The following ADAMTS2 variants were observed in gnomAD, a reference collection of about 807,000 sequenced individuals.
The protein encoded by ADAMTS2 is A disintegrin and metalloproteinase with thrombospondin motifs 2.
A neutral mutation model predicts 123.0 loss-of-function variants in ADAMTS2; 50 were observed. The ratio of observed to expected loss-of-function variants is 0.41; its 90% CI spans 0.32 to 0.51. ADAMTS2 has a LOEUF of 0.51. Ranked by LOEUF, ADAMTS2 falls within the 20% of genes least tolerant of loss-of-function variation. ADAMTS2 has a pLI of 0.35. For synonymous variants in ADAMTS2, 678 were observed against 695.4 expected (o/e 0.98, Z 0.39); for missense variants, 1,494 against 1,705.2 (o/e 0.88, Z 2.18).
intron 15 of ADAMTS2, among the ~76,000 whole-genome samples, chr5:179,131,431 T>C (rs1486810780): frequency 1.3e-5 from 2 of 151,354 alleles, no homozygotes; most frequent in Non-Finnish European, 2.9e-5. Flanking sequence ...GGGCATGGTA[T>C]GTTTGTCAGG....
intron 2 of ADAMTS2, among the ~76,000 whole-genome samples, chr5:179,320,256 C>A (rs1757123648): frequency 6.6e-6 from 1 of 152,246 alleles, no homozygotes; most frequent in Non-Finnish European, 1.5e-5. Context: ...CAATCCTGGC[C>A]CCAGCCACTT....
intron 10 of ADAMTS2, among the ~76,000 whole-genome samples, chr5:179,151,736 C>A (rs1763359906): frequency 6.6e-6 from 1 of 152,218 alleles, no homozygotes; most frequent in Non-Finnish European, 1.5e-5. Context: ...GTGTGCCCAA[C>A]AAGGGACAAA....
chr5:179,130,434 G>A lies in ADAMTS2; in HGVS notation c.2291-336C>T, dbSNP rs1479727462. Among the ~76,000 whole-genome samples, 1 of 152,202 alleles carries A rather than the reference G, an allele frequency of 6.6e-6. No individual in the cohort carries two copies. The highest frequency in any genetic ancestry group is 2.4e-5 in the African/African-American group (1 of 41,454). ...CTCAGTGGGCGCTTAGAGGCCACCC[G>A]GGGCAGGATGGCTGGGAGGGGTCTG... On this transcript the variant is annotated intron_variant, in intron 15 of 21. Transcript: ENST00000251582. The surrounding 1 kb of genome is among the most constrained non-coding windows in gnomAD (Gnocchi z 4.3).
chr5:179,208,129 G>A (rs1158936002), intron 3 of ADAMTS2, among the ~76,000 whole-genome samples: 1 of 125,290 alleles, frequency 8.0e-6, no homozygotes, highest in Non-Finnish European at 1.9e-5. Flanking sequence ...CCTGACGCTG[G>A]AGTGGGCAGA....
At chr5:179,282,216 T>A (rs1420951530) in intron 2 of ADAMTS2, among the ~76,000 whole-genome samples, 1 of 152,218 alleles carries the variant, frequency 6.6e-6, no homozygotes, top group Non-Finnish European at 1.5e-5. Flanking sequence ...CTTTGCCTAA[T>A]CCAAAGTAAC....
At position 179,262,845 on chromosome 5, in the gene ADAMTS2, A is replaced by G. The variant is rs1766269277; in HGVS notation, c.688+10066T>C. 6.6e-6 allele frequency among the ~76,000 whole-genome samples: 1 copy of G among 152,268 alleles called. No homozygotes were observed. The highest frequency in any genetic ancestry group is 2.1e-4 in the South Asian group (1 of 4,836). ...CGGGTTCCTCCGCTGCTACAGCCCC[A>G]GCACCCAGTCCTGTCAGACACATGG... On this transcript the variant is annotated intron_variant, in intron 3 of 21. Coordinates refer to ENST00000251582, the MANE Select transcript of ADAMTS2 (RefSeq NM_014244.5). The surrounding 1 kb of genome is among the most constrained non-coding windows in gnomAD (Gnocchi z 5.9).
intron 4 of ADAMTS2, among the ~76,000 whole-genome samples, chr5:179,186,226 G>A (rs1357841087): frequency 3.3e-5 from 5 of 152,170 alleles, no homozygotes; most frequent in African/African-American, 9.7e-5. Flanking sequence ...CAGCAGTCAG[G>A]AACCCCATGG....
At chr5:179,214,059 A>T (rs1486143040) in intron 3 of ADAMTS2, among the ~76,000 whole-genome samples, 1 of 152,222 alleles carries the variant, frequency 6.6e-6, no homozygotes, top group Non-Finnish European at 1.5e-5. Flanking sequence ...ACATTAGGAC[A>T]CAACTCAAAA....
At chr5:179,174,940 T>C (rs1283508973) in intron 5 of ADAMTS2, among the ~76,000 whole-genome samples, 2 of 150,038 alleles carry the variant, frequency 1.3e-5, no homozygotes, top group Non-Finnish European at 3.0e-5. Flanking sequence ...GGAGGAAGTC[T>C]CTTCCTTGCT....
chr5:179,190,345 T>C (rs551079658), intron 4 of ADAMTS2, among the ~76,000 whole-genome samples: 1 of 152,186 alleles, frequency 6.6e-6, no homozygotes, highest in Admixed American at 6.5e-5. Context: ...TAACAGGTGA[T>C]ATTATGGGGT....
intron 2 of ADAMTS2, among the ~76,000 whole-genome samples, chr5:179,289,826 A>T (rs1756135125): frequency 6.6e-6 from 1 of 152,230 alleles, no homozygotes; most frequent in East Asian, 1.9e-4. Flanking sequence ...CCTGCCAGAA[A>T]CACGTAAGCT....
At position 179,117,816 on chromosome 5, in the gene ADAMTS2, G is replaced by A. The variant is rs184164842; in HGVS notation, c.3179-3492C>T. 2.0e-5 allele frequency among the ~76,000 whole-genome samples: 3 copies of A among 152,248 alleles called. No individual in the cohort carries two copies. Among genetic ancestry groups the A allele is most frequent in the Admixed American group, 6.5e-5 (1 of 15,294 alleles). On this transcript the variant is annotated intron_variant, in intron 21 of 21. Coordinates refer to ENST00000251582, the MANE Select transcript of ADAMTS2 (RefSeq NM_014244.5). The surrounding 1 kb of genome is among the most constrained non-coding windows in gnomAD (Gnocchi z 4.2). ...CTCCCAAAGTGCTGGGATTACAGGT[G>A]TAAGCCACTGTGCCCGGCCCATGCA...
At chr5:179,280,664 T>C (rs1766872498) in intron 2 of ADAMTS2, among the ~76,000 whole-genome samples, 1 of 152,118 alleles carries the variant, frequency 6.6e-6, no homozygotes, top group Admixed American at 6.5e-5. Flanking sequence ...ACCCCCAGTG[T>C]CTTCCTCTCT....
Position 179,181,134 on chromosome 5 carries a change from C to T in ADAMTS2, c.913G>A (p.Glu305Lys). ...MNIVNEIYHD[E>K]SLGAHINVVL... is the part of the protein sequence containing the mutation. ...ACGTTGATGTGGGCACCCAAGGACT[C>T]GTCATGGTAGATTTCATTGACCTGA... Residue 305 changes from glutamate to lysine, a missense_variant, in exon 5 of 22, where the codon GAG (glutamate) becomes AAG (lysine). Around this residue, in one of 6 missense-constraint regions of ADAMTS2, gnomAD observed 70 missense variants for 85.3 expected, o/e 0.82. Transcript: ENST00000251582. This position sits in a 1 kb window ranked among gnomAD's most constrained non-coding sequence, Gnocchi z 4.1. 2 of 1,613,880 alleles carry T rather than the reference C, an allele frequency of 1.2e-6. No homozygotes were observed. Among genetic ancestry groups the T allele is most frequent in the Non-Finnish European group, 1.7e-6 (2 of 1,179,878 alleles).
chr5:179,254,471 A>G (rs1419580217), intron 3 of ADAMTS2, among the ~76,000 whole-genome samples: 1 of 152,226 alleles, frequency 6.6e-6, no homozygotes, highest in Non-Finnish European at 1.5e-5. Context: ...TGATGGCTGC[A>G]CAACACTGCC....
In ADAMTS2 at chr5:179,197,242, G is replaced by C. The variant is rs1764449587; in HGVS notation, c.891+10271C>G. ...GTCTACAAGGAGTGCGGTGGGACCAGGGGCTCACAAAGACAGTTCAAGGTC... is the reference window on the plus strand; with the variant it reads ...GTCTACAAGGAGTGCGGTGGGACCACGGGCTCACAAAGACAGTTCAAGGTC... On this transcript the variant is annotated intron_variant, in intron 4 of 21. Transcript: ENST00000251582. The surrounding 1 kb of genome is among the most constrained non-coding windows in gnomAD (Gnocchi z 4.2). Among the ~76,000 whole-genome samples, 1 of 152,162 alleles carries C rather than the reference G, an allele frequency of 6.6e-6. No individual in the cohort carries two copies. The highest frequency in any genetic ancestry group is 1.5e-5 in the Non-Finnish European group (1 of 68,028).
At chr5:179,182,801 G>A (rs752859929) in intron 4 of ADAMTS2, among the ~76,000 whole-genome samples, 4 of 152,234 alleles carry the variant, frequency 2.6e-5, no homozygotes, top group East Asian at 1.9e-4. Flanking sequence ...CCGTGGCTCC[G>A]GGCTGTAGGC....
At chr5:179,173,248 A>ATAATAATAAT (rs1763862875) in intron 5 of ADAMTS2, among the ~76,000 whole-genome samples, 4 of 150,708 alleles carry the variant, frequency 2.7e-5, no homozygotes, top group South Asian at 2.1e-4. Context: ...AATAATAATA[A>ATAATAATAAT]AAACCATGCT....
intron 2 of ADAMTS2, among the ~76,000 whole-genome samples, chr5:179,289,235 C>T (rs1157106458): frequency 2.6e-5 from 4 of 152,144 alleles, no homozygotes; most frequent in Admixed American, 6.5e-5. Context: ...AAGGTGCTTT[C>T]GGTGGTCAAA....
Sources: gnomAD v4.1 joint callset for allele counts (sites outside exome capture counted in the v4.1 genomes callset) on GRCh38, gnomAD v4.1.1 for gene constraint, gnomAD v4.1.1 regional missense constraint, Gnocchi (gnomAD v3.1) non-coding constraint, MANE v1.5 for transcripts, NCBI Gene and HGNC (gene_info 2026-07-23, HGNC 2026-07-21) for gene names.